The following DCAF1 variants were observed in gnomAD, a reference collection of about 807,000 sequenced individuals.
The protein encoded by DCAF1 is DDB1- and CUL4-associated factor 1.
In DCAF1, 15 loss-of-function variants were observed where a neutral mutation model predicts 128.0. That is an observed-to-expected ratio of 0.12 (90% CI 0.08 to 0.18). DCAF1 has a LOEUF of 0.18. Among genes scored for constraint, DCAF1 ranks in the 10% least tolerant of loss-of-function variants. The probability of loss-of-function intolerance (pLI) is 1.00; values close to 1 mark genes in which losing one functional copy is unlikely to be tolerated. For synonymous variants in DCAF1, 610 were observed against 603.0 expected (o/e 1.01, Z -0.17); for missense variants, 988 against 1,649.5 (o/e 0.60, Z 6.95).
upstream of DCAF1, among the ~76,000 whole-genome samples, chr3:51,503,184 C>T (rs534506738): frequency 1.2e-4 from 18 of 152,190 alleles, no homozygotes; most frequent in Admixed American, 7.2e-4. Flanking sequence ...AGAGGAAGCC[C>T]CATCTGAAAG....
At chr3:51,458,591 C>A (rs1577214455) in intron 6 of DCAF1, among the ~76,000 whole-genome samples, 1 of 152,160 alleles carries the variant, frequency 6.6e-6, no homozygotes, top group African/African-American at 2.4e-5. Context: ...AACTCTCTAC[C>A]CCAAATCAAC....
rs1287441115 is a variant in DCAF1 at position 51,492,065 on chromosome 3, G to A, written c.-9+4669C>T. 3.3e-5 allele frequency among the ~76,000 whole-genome samples: 5 copies of A among 150,106 alleles called. 1 individual carries two copies. The highest frequency in any genetic ancestry group is 7.4e-5 in the Non-Finnish European group (5 of 67,548). On this transcript the variant is annotated intron_variant, in intron 2 of 24. Transcript: ENST00000684031. ...CAGCTACTCGGGGGGGCTGAGGGAG[G>A]GGAATCGCTTGAACCTGCGGGAGGC...
chr3:51,418,223 G>A lies in DCAF1; in HGVS notation c.3436-25C>T. 6 of 1,593,488 alleles carry A rather than the reference G, an allele frequency of 3.8e-6. No homozygotes were observed. The South Asian group carries it at 6.9e-5, about 18-fold the overall frequency. On this transcript the variant is annotated intron_variant, in intron 16 of 24. Transcript: ENST00000684031. ...CCTAAAAGAAAAAGGCGCAAGGTGG[G>A]TAACCACGTATTTACATACATGCAG...
At chr3:51,482,502 C>T (rs530850676) in intron 3 of DCAF1, among the ~76,000 whole-genome samples, 19 of 151,776 alleles carry the variant, frequency 1.3e-4, no homozygotes, top group African/African-American at 4.6e-4. Context: ...CAGTGGCTCA[C>T]ACCTGTAATC....
chr3:51,407,127 A>G (rs72945714), intron 23 of DCAF1, among the ~76,000 whole-genome samples: 58 of 147,250 alleles, frequency 3.9e-4, no homozygotes, highest in Middle Eastern at 3.5e-3. Flanking sequence ...AGGAGGCGGA[A>G]GCCTGGGCGA....
intron 4 of DCAF1, among the ~76,000 whole-genome samples, chr3:51,470,294 C>T (rs1205430007): frequency 6.6e-6 from 1 of 152,178 alleles, no homozygotes; most frequent in Non-Finnish European, 1.5e-5. Context: ...GGCACAGTGG[C>T]TCATGCCTAT....
At chr3:51,408,254 G>A (rs1344996710) in intron 23 of DCAF1, among the ~76,000 whole-genome samples, 1 of 152,186 alleles carries the variant, frequency 6.6e-6, no homozygotes, top group Non-Finnish European at 1.5e-5. Flanking sequence ...TTTATGGCAT[G>A]TCAATTATAT....
At chr3:51,402,276 G>A (rs559345809) in intron 24 of DCAF1, among the ~76,000 whole-genome samples, 28 of 152,266 alleles carry the variant, frequency 1.8e-4, no homozygotes, top group African/African-American at 6.7e-4. Context: ...TCCACAAGAG[G>A]GCCTGCATTT....
chr3:51,416,707 T>C, intron 18 of DCAF1, 80 bp downstream of exon 18: 7 of 1,540,998 alleles, frequency 4.5e-6, no homozygotes, highest in Admixed American at 2.0e-5. Context: ...AGGACTTAGG[T>C]CCTCACATTC....
At chr3:51,446,963 A>AAT (rs1701913898) in intron 6 of DCAF1, among the ~76,000 whole-genome samples, 2 of 136,990 alleles carry the variant, frequency 1.5e-5, no homozygotes, top group Admixed American at 7.5e-5. Context: ...TTTGTCTCAA[A>AAT]AATAATAATA....
rs911849024 is a variant in DCAF1, at chr3:51,498,370, A to G, written c.-56+1503T>C. On this transcript the variant is annotated intron_variant, in intron 1 of 24. Coordinates refer to ENST00000684031, the MANE Select transcript of DCAF1 (RefSeq NM_001387579.1). ...ATGAGACGCTGTCTCAAAAAAAAAGAAAAAAGAAAAAAAAAAAAAAAAGAG... is the reference window on the plus strand; with the variant it reads ...ATGAGACGCTGTCTCAAAAAAAAAGGAAAAAGAAAAAAAAAAAAAAAAGAG... Among the ~76,000 whole-genome samples, 6 of 147,340 alleles carry G rather than the reference A, an allele frequency of 4.1e-5. No homozygotes were observed. The Admixed American group carries it at 4.4e-4, about 11-fold the overall frequency.
chr3:51,449,755 C>A lies in DCAF1; in HGVS notation c.376-5852G>T, dbSNP rs560606715. ...CAAAATTGACAAACTTTTGGCAAGA[C>A]AGGTCAAGAATAAAAGAGAGGACTC... is the stretch of plus-strand genomic sequence containing the variant. On this transcript the variant is annotated intron_variant, in intron 6 of 24. Coordinates refer to ENST00000684031, the MANE Select transcript of DCAF1 (RefSeq NM_001387579.1). 1.9e-3 allele frequency among the ~76,000 whole-genome samples: 283 copies of A among 152,122 alleles called. 2 individuals are homozygous for A. The highest frequency in any genetic ancestry group is 7.6e-4 in the Non-Finnish European group (52 of 67,996).
At chr3:51,416,530 T>C (rs2107257142) in intron 18 of DCAF1, among the ~76,000 whole-genome samples, 1 of 152,340 alleles carries the variant, frequency 6.6e-6, no homozygotes, top group Non-Finnish European at 1.5e-5. Flanking sequence ...AGGGGTTTCA[T>C]TTCTAATCTA....
chr3:51,432,725 CTG>C (rs1434273497), intron 10 of DCAF1, among the ~76,000 whole-genome samples: 1 of 152,116 alleles, frequency 6.6e-6, no homozygotes, highest in Non-Finnish European at 1.5e-5. Context: ...TCCCAAAGTG[CTG>C]TGATTACAGG....
intron 23 of DCAF1, among the ~76,000 whole-genome samples, chr3:51,403,679 A>G (rs1170491614): frequency 6.6e-6 from 1 of 152,244 alleles, no homozygotes; most frequent in South Asian, 2.1e-4. Context: ...TCTGCCTTCA[A>G]TATTCTAGGA....
intron 2 of DCAF1, among the ~76,000 whole-genome samples, chr3:51,489,800 A>AGTGT (rs1183912727): frequency 7.5e-6 from 1 of 132,688 alleles, no homozygotes; most frequent in Non-Finnish European, 1.6e-5. Context: ...AAAAAAAAAA[A>AGTGT]GTGTGTATGC....
intron 3 of DCAF1, among the ~76,000 whole-genome samples, chr3:51,482,003 AAAC>A (rs1706260195): frequency 6.6e-6 from 1 of 152,166 alleles, no homozygotes; most frequent in Non-Finnish European, 1.5e-5. Flanking sequence ...CAAAAAATAA[AAAC>A]AAAAAAAGTT....
rs186985882 is a variant in DCAF1 at position 51,496,769 on chromosome 3, C to A, written c.-44G>T. On this transcript the variant is annotated 5_prime_UTR_variant, in exon 2 of 25. Transcript: ENST00000684031. ...TTGGTTATTTAACTTCTCCAAATCTCAATTTCCTTATCTGCAAGATGGAAA... is the reference window on the plus strand; with the variant it reads ...TTGGTTATTTAACTTCTCCAAATCTAAATTTCCTTATCTGCAAGATGGAAA... 6.0e-4 allele frequency among the ~76,000 whole-genome samples: 91 copies of A among 152,158 alleles called. No homozygotes were observed. The highest frequency in any genetic ancestry group is 9.3e-4 in the Non-Finnish European group (63 of 68,008).
At chr3:51,409,784 C>T (rs1209572097) in intron 23 of DCAF1, among the ~76,000 whole-genome samples, 1 of 152,090 alleles carries the variant, frequency 6.6e-6, no homozygotes, top group Non-Finnish European at 1.5e-5. Flanking sequence ...AGGTAGCAAA[C>T]TGAAGTGAGA....
Sources: gnomAD v4.1 joint callset for allele counts (sites outside exome capture counted in the v4.1 genomes callset) on GRCh38, gnomAD v4.1.1 for gene constraint, MANE v1.5 for transcripts, NCBI Gene and HGNC (gene_info 2026-07-23, HGNC 2026-07-21) for gene names.